RMND1: variants seen among roughly 807,000 people sequenced by gnomAD.
The protein encoded by RMND1 is required for meiotic nuclear division 1 homolog.
Under a neutral mutation model 54.0 loss-of-function variants are expected in RMND1, and 41 were observed. The ratio of observed to expected loss-of-function variants is 0.76; its 90% confidence interval spans 0.59 to 0.98. The LOEUF (loss-of-function observed/expected upper bound fraction) is 0.98. Among genes scored for constraint, RMND1 ranks in the 50% least tolerant of loss-of-function variants. The probability of loss-of-function intolerance (pLI) is 0.00; values close to 1 mark genes in which losing one functional copy is unlikely to be tolerated. For synonymous variants in RMND1, 183 were observed against 181.7 expected, an observed-to-expected ratio of 1.01 and a Z score of -0.06; for missense variants, 457 against 532.0, an observed-to-expected ratio of 0.86 and a Z score of 1.39.
intron 2 of RMND1, among the ~76,000 whole-genome samples, chr6:151,439,398 T>G (rs1415492208): frequency 3.9e-5 from 6 of 152,238 alleles, no homozygotes; most frequent in Non-Finnish European, 8.8e-5. Context: ...ATGAGAGTGC[T>G]TCTCTGCACA....
chr6:151,442,680 C>T (rs958008533), intron 2 of RMND1, among the ~76,000 whole-genome samples: 2 of 150,282 alleles, frequency 1.3e-5, no homozygotes, highest in African/African-American at 4.9e-5. Flanking sequence ...CAGCTGCGCA[C>T]CAGCAAGCCC....
In RMND1 at chr6:151,405,280, AGT is replaced by A; in HGVS notation, c.1318-15_1318-14del. On this transcript the variant is annotated splice_polypyrimidine_tract_variant and intron_variant, in intron 11 of 11. Coordinates refer to ENST00000444024, the MANE Select transcript of RMND1 (RefSeq NM_017909.4). ...GCTCAAACATTACCTTAGAATAGAA[AGT>A]GAGAATTATTTCATGACGGGCAAAT... 1.9e-6 allele frequency: 3 copies of A among 1,611,398 alleles called. No individual in the cohort carries two copies. The highest frequency in any genetic ancestry group is 1.7e-5 in the Admixed American group (1 of 59,910).
chr6:151,409,625 T>C (rs1298638685), intron 10 of RMND1, among the ~76,000 whole-genome samples: 2 of 152,196 alleles, frequency 1.3e-5, no homozygotes, highest in Non-Finnish European at 2.9e-5. Flanking sequence ...GGGGCTTACA[T>C]TCTAGTGGAA....
chr6:151,445,246 C>T lies in RMND1; in HGVS notation c.504+62G>A. On this transcript the variant is annotated intron_variant, in intron 2 of 11. Transcript: ENST00000444024. ...TTGGCGGTAAGGCTGGGGTGCAACGCACACTGGTTTAGCATGAGCAATGAT... is the reference window on the plus strand; with the variant it reads ...TTGGCGGTAAGGCTGGGGTGCAACGTACACTGGTTTAGCATGAGCAATGAT... 6 of 1,526,818 alleles carry T rather than the reference C, an allele frequency of 3.9e-6. No individual in the cohort carries two copies. The South Asian group carries it at 5.3e-5, about 13-fold the overall frequency. The allele number at this position is 1,526,818 out of a possible 1,614,324, so 94.6% of individuals were successfully genotyped here.
At chr6:151,422,882 G>A (rs1404949647) in intron 7 of RMND1, among the ~76,000 whole-genome samples, 1 of 152,102 alleles carries the variant, frequency 6.6e-6, no homozygotes, top group Non-Finnish European at 1.5e-5. Flanking sequence ...AACTGAGGAG[G>A]GTAGGGTACA....
intron 10 of RMND1, among the ~76,000 whole-genome samples, chr6:151,415,007 C>T (rs764550171): frequency 5.6e-4 from 84 of 151,326 alleles, no homozygotes; most frequent in Non-Finnish European, 9.0e-4. Context: ...GAGAATTTGT[C>T]TCACTAGACT....
Position 151,446,855 on chromosome 6 carries a change from T to G in RMND1, c.-14-1030A>C, listed in dbSNP as rs550565220. On this transcript the variant is annotated intron_variant, in intron 1 of 11. Coordinates refer to ENST00000444024, the MANE Select transcript of RMND1 (RefSeq NM_017909.4). ...GGGAGAGGTTGCAGTGAGCCAGGAT[T>G]GCCCCACTGCACTCCAGCCTGGGCG... 2.9e-4 allele frequency among the ~76,000 whole-genome samples: 44 copies of G among 151,832 alleles called. 1 individual carries two copies. The highest frequency in any genetic ancestry group is 1.0e-3 in the African/African-American group (42 of 41,382).
intron 1 of RMND1, among the ~76,000 whole-genome samples, chr6:151,450,324 T>TCC (rs1781109638): frequency 7.2e-6 from 1 of 139,374 alleles, no homozygotes; most frequent in South Asian, 2.4e-4. Flanking sequence ...GAGGAGACCC[T>TCC]CCGCCCGGCA....
chr6:151,407,367 T>C (rs1012891395), intron 10 of RMND1, among the ~76,000 whole-genome samples: 6 of 152,150 alleles, frequency 3.9e-5, no homozygotes, highest in African/African-American at 1.4e-4. Flanking sequence ...TTGATCTTGG[T>C]CTTTAATGTT....
intron 3 of RMND1, among the ~76,000 whole-genome samples, chr6:151,434,408 G>C (rs982563797): frequency 7.8e-6 from 1 of 127,620 alleles, no homozygotes; most frequent in Non-Finnish European, 1.6e-5. Context: ...CCAAAACTGT[G>C]ATTTTTTTTT....
chr6:151,431,315 G>A (rs1780441833), intron 4 of RMND1, among the ~76,000 whole-genome samples: 1 of 152,092 alleles, frequency 6.6e-6, no homozygotes. Context: ...TTTATGCAGT[G>A]ATAGAGAATT....
chr6:151,440,312 T>TA (rs1780739628), intron 2 of RMND1, among the ~76,000 whole-genome samples: 2 of 152,160 alleles, frequency 1.3e-5, no homozygotes, highest in African/African-American at 4.8e-5. Flanking sequence ...CACTTGGAGA[T>TA]AAAAATAAAA....
intron 6 of RMND1, 75 bp downstream of exon 6, chr6:151,427,407 T>C (rs546594335): frequency 4.8e-6 from 4 of 831,532 alleles, no homozygotes; most frequent in Admixed American, 5.0e-5. Context: ...ATATGCATAA[T>C]AATTTGTCTC....
intron 5 of RMND1, 51 bp from the exon 6 acceptor site, chr6:151,427,633 AAGTAT>A: frequency 2.6e-6 from 3 of 1,143,600 alleles, no homozygotes; most frequent in Non-Finnish European, 3.9e-6. Context: ...CCCTCAGTTC[AAGTAT>A]GTTATGATTT....
intron 10 of RMND1, chr6:151,412,029 T>C (rs1247759585): frequency 6.6e-6 from 1 of 152,224 alleles, no homozygotes; most frequent in African/African-American, 2.4e-5. Context: ...CCTTTTTTTT[T>C]CTTGAGACGA....
intron 3 of RMND1, among the ~76,000 whole-genome samples, chr6:151,434,164 T>C (rs975018316): frequency 1.3e-5 from 2 of 152,158 alleles, no homozygotes; most frequent in African/African-American, 4.8e-5. Flanking sequence ...TTAAAACATA[T>C]ACTAATATAC....
chr6:151,417,483 T>C, intron 9 of RMND1, 84 bp from the exon 10 acceptor site: 1 of 1,185,500 alleles, frequency 8.4e-7, no homozygotes, highest in Non-Finnish European at 1.2e-6. Context: ...ACATAGTGCT[T>C]TATGAAAACT....
intron 2 of RMND1, among the ~76,000 whole-genome samples, chr6:151,440,885 T>C (rs2114965082): frequency 6.6e-6 from 1 of 152,302 alleles, no homozygotes; most frequent in South Asian, 2.1e-4. Flanking sequence ...TTATACATCC[T>C]TTTCTGGATT....
chr6:151,439,470 A>G (rs1017663920), intron 2 of RMND1, among the ~76,000 whole-genome samples: 1 of 152,172 alleles, frequency 6.6e-6, no homozygotes, highest in African/African-American at 2.4e-5. Flanking sequence ...TGAGAGCTTT[A>G]TACCAGAGAG....
Sources: gnomAD v4.1 joint callset for allele counts (sites outside exome capture counted in the v4.1 genomes callset) on GRCh38, gnomAD v4.1.1 for gene constraint, MANE v1.5 for transcripts, NCBI Gene and HGNC (gene_info 2026-07-23, HGNC 2026-07-21) for gene names.